CDH13: variants seen among roughly 807,000 people sequenced by gnomAD.
CDH13 encodes the protein cadherin-13.
A neutral mutation model predicts 63.8 loss-of-function variants in CDH13; 24 were observed. That is an observed-to-expected ratio of 0.38 (90% CI 0.27 to 0.53). The LOEUF (loss-of-function observed/expected upper bound fraction) is 0.53, where lower values mean the gene tolerates loss of function less well. Among genes scored for constraint, CDH13 ranks in the 20% least tolerant of loss-of-function variants. CDH13 has a pLI of 0.85. For missense variants in CDH13, 1,049 were observed against 903.1 expected (o/e 1.16, Z -2.07); for synonymous variants, 503 against 355.3 (o/e 1.42, Z -4.67).
At chr16:83,101,847 T>TTGTGAGGAAAGG (rs2034493699) in intron 3 of CDH13, among the ~76,000 whole-genome samples, 1 of 151,984 alleles carries the variant, frequency 6.6e-6, no homozygotes, top group South Asian at 2.1e-4. Context: ...AGTAGGTGAC[T>TTGTGAGGAAAGG]TGTGAGGAAA....
rs116956922 is a variant in CDH13 at position 83,155,995 on chromosome 16, A to G, written c.483+30494A>G. On this transcript the variant is annotated intron_variant, in intron 4 of 13. Transcript: ENST00000567109. ...CTTTGAGCTCCCCGGGTGAGTCCAC[A>G]TGCAGCCAAGGTTGAGACTGGGGGC... is the stretch of plus-strand genomic sequence containing the variant. Among the ~76,000 whole-genome samples the G allele has an allele frequency of 8.5e-4, 129 of 152,264 alleles. 2 individuals carry two copies. The East Asian group carries it at 0.022, about 25-fold the overall frequency.
chr16:83,046,957 C>T (rs574923390), intron 3 of CDH13, among the ~76,000 whole-genome samples: 95 of 152,312 alleles, frequency 6.2e-4, no homozygotes, highest in African/African-American at 2.2e-3. Context: ...GTGTCTCCTG[C>T]CTCCCAGCTG....
chr16:83,027,504 G>C (rs905657456), intron 2 of CDH13, among the ~76,000 whole-genome samples: 1 of 152,178 alleles, frequency 6.6e-6, no homozygotes, highest in African/African-American at 2.4e-5. Context: ...GGAGATGCAA[G>C]AGTGGGTGAG....
intron 5 of CDH13, among the ~76,000 whole-genome samples, chr16:83,330,890 A>G (rs1434606796): frequency 6.6e-6 from 1 of 152,222 alleles, no homozygotes; most frequent in Non-Finnish European, 1.5e-5. Flanking sequence ...GATGCTTGAG[A>G]CTGTAAACCC....
intron 1 of CDH13, among the ~76,000 whole-genome samples, chr16:82,666,135 C>A (rs867508175): frequency 6.6e-6 from 1 of 152,112 alleles, no homozygotes; most frequent in African/African-American, 2.4e-5. Flanking sequence ...GATCTCACGT[C>A]TGTTTTTTTG....
At chr16:83,757,672 C>G (rs945629638) in intron 11 of CDH13, among the ~76,000 whole-genome samples, 8 of 149,982 alleles carry the variant, frequency 5.3e-5, no homozygotes, top group Admixed American at 4.6e-4. Flanking sequence ...AACTGTTGGG[C>G]AAAAAAAGAA....
intron 3 of CDH13, among the ~76,000 whole-genome samples, chr16:83,101,288 C>A (rs1329231637): frequency 6.7e-6 from 1 of 149,326 alleles, no homozygotes; most frequent in African/African-American, 2.5e-5. Flanking sequence ...CAGATATATA[C>A]TTTATGTGTA....
intron 1 of CDH13, among the ~76,000 whole-genome samples, chr16:82,628,131 G>T (rs970444481): frequency 2.0e-5 from 3 of 152,190 alleles, no homozygotes; most frequent in Admixed American, 1.3e-4. Context: ...GCTGCGGGGG[G>T]CACGCCCTGC....
At chr16:83,597,324 T>C (rs1483118087) in intron 7 of CDH13, among the ~76,000 whole-genome samples, 5 of 152,298 alleles carry the variant, frequency 3.3e-5, no homozygotes, top group Non-Finnish European at 5.9e-5. Flanking sequence ...CATTGGACTA[T>C]TAGACAGCTG....
chr16:83,737,769 A>G (rs1911675484), intron 10 of CDH13, among the ~76,000 whole-genome samples: 1 of 152,232 alleles, frequency 6.6e-6, no homozygotes, highest in Admixed American at 6.5e-5. Context: ...CCAGTGGCAC[A>G]AACAAATGCC....
At position 82,647,375 on chromosome 16, in the gene CDH13, C is replaced by T. The variant is rs770362818; in HGVS notation, c.45+20238C>T. 7.9e-5 allele frequency among the ~76,000 whole-genome samples: 12 copies of T among 152,180 alleles called. No homozygotes were observed. In the South Asian group the frequency reaches 1.0e-3, roughly 13 times the overall value. ...GTCTCAGTTTGAGTTTCCTCAAAAG[C>T]GGATGCTGTGAGGAGGATTTGAGTG... On this transcript the variant is annotated intron_variant, in intron 1 of 13. Transcript: ENST00000567109.
intron 6 of CDH13, among the ~76,000 whole-genome samples, chr16:83,390,846 G>A (rs532539860): frequency 6.6e-6 from 1 of 152,268 alleles, no homozygotes; most frequent in South Asian, 2.1e-4. Context: ...TCAACTCAGG[G>A]GAAGATTTGC....
intron 1 of CDH13, among the ~76,000 whole-genome samples, chr16:82,715,719 G>T (rs572543591): frequency 6.6e-6 from 1 of 152,290 alleles, no homozygotes; most frequent in African/African-American, 2.4e-5. Flanking sequence ...CTCCAGTGCA[G>T]GAAAGATCAG....
At chr16:83,739,553 C>T (rs763501671) in intron 10 of CDH13, among the ~76,000 whole-genome samples, 13 of 152,004 alleles carry the variant, frequency 8.6e-5, no homozygotes, top group Admixed American at 3.3e-4. Flanking sequence ...CTTCGGGACC[C>T]CCAGCACACA....
chr16:83,784,568 G>T (rs1347178096), intron 13 of CDH13, among the ~76,000 whole-genome samples: 2 of 149,178 alleles, frequency 1.3e-5, no homozygotes, highest in East Asian at 4.0e-4. Flanking sequence ...GGAGGCGGAG[G>T]TTGCAGTGAG....
At chr16:83,729,601 C>A (rs427705) in intron 10 of CDH13, among the ~76,000 whole-genome samples, 2 of 152,014 alleles carry the variant, frequency 1.3e-5, no homozygotes, top group Admixed American at 6.6e-5. Flanking sequence ...GTGTCCTGGA[C>A]CCAGCTACTT....
Position 83,260,438 on chromosome 16 carries a change from C to G in CDH13, c.636+42941C>G, listed in dbSNP as rs540284046. ...CTATTTCTCATATTTCTCCCCAGCA[C>G]AGTCAGTTCTGCGTGGCGCAGCCAT... On this transcript the variant is annotated intron_variant, in intron 5 of 13. Transcript: ENST00000567109. Among the ~76,000 whole-genome samples the G allele has an allele frequency of 8.0e-4, 121 of 152,066 alleles. 3 individuals carry two copies. In the South Asian group the frequency reaches 0.025, roughly 31 times the overall value.
At chr16:83,485,189 A>G (rs2073858475) in intron 6 of CDH13, among the ~76,000 whole-genome samples, 1 of 152,148 alleles carries the variant, frequency 6.6e-6, no homozygotes. Flanking sequence ...CAAATTTTTC[A>G]CCTTGACAGA....
intron 1 of CDH13, chr16:82,826,842 C>T (rs2038279272): frequency 6.6e-6 from 1 of 152,188 alleles, no homozygotes; most frequent in Admixed American, 6.5e-5. Flanking sequence ...TATTAGCAGA[C>T]ATTGACCACA....
Sources: allele counts gnomAD v4.1 joint callset (sites outside exome capture counted in the v4.1 genomes callset), GRCh38; gene constraint gnomAD v4.1.1; transcripts MANE v1.5; gene names NCBI Gene and HGNC (gene_info 2026-07-23, HGNC 2026-07-21).